KLF12: variants seen among roughly 807,000 people sequenced by gnomAD.
KLF12 encodes Krueppel-like factor 12.
KLF12 carries 9 observed loss-of-function variants against 37.8 expected under a neutral mutation model. That is an observed-to-expected ratio of 0.24 (90% CI 0.14 to 0.42). KLF12 has a LOEUF of 0.42. Ranked by LOEUF, KLF12 falls within the 10% of genes least tolerant of loss-of-function variation. KLF12 has a pLI of 1.00. For missense variants in KLF12, 411 were observed against 516.0 expected (o/e 0.80, Z 1.97); for synonymous variants, 208 against 202.1 (o/e 1.03, Z -0.25).
intron 1 of KLF12, among the ~76,000 whole-genome samples, chr13:74,131,818 T>C (rs1359835228): frequency 6.6e-6 from 1 of 152,186 alleles, no homozygotes; most frequent in Non-Finnish European, 1.5e-5. Context: ...CATTTCATAA[T>C]AGTTATTAAA....
intron 2 of KLF12, among the ~76,000 whole-genome samples, chr13:73,961,184 T>C (rs969456885): frequency 1.3e-5 from 2 of 152,164 alleles, no homozygotes; most frequent in South Asian, 2.1e-4. Context: ...TATAACAATA[T>C]TGGAAATGTT....
At chr13:73,803,174 T>G (rs1882372292) in intron 5 of KLF12, among the ~76,000 whole-genome samples, 1 of 152,220 alleles carries the variant, frequency 6.6e-6, no homozygotes, top group Non-Finnish European at 1.5e-5. Flanking sequence ...AGAGATTCAG[T>G]TCTGACTTCT....
chr13:74,290,371 C>T, the KLF12 span, among the ~76,000 whole-genome samples: 3 of 152,188 alleles, frequency 2.0e-5, no homozygotes, highest in Admixed American at 6.5e-5. Flanking sequence ...AACACTGCCA[C>T]AGCTGAATTT....
chr13:73,850,473 A>G (rs1406011546), intron 3 of KLF12, among the ~76,000 whole-genome samples: 1 of 152,226 alleles, frequency 6.6e-6, no homozygotes, highest in Admixed American at 6.5e-5. Flanking sequence ...GAATTTTATT[A>G]CAGTCTGTCT....
the KLF12 span, among the ~76,000 whole-genome samples, chr13:74,203,498 T>C: frequency 6.6e-6 from 1 of 152,230 alleles, no homozygotes; most frequent in South Asian, 2.1e-4. Context: ...CTATGATTCT[T>C]AATGGAATCT....
chr13:74,216,872 C>T, the KLF12 span, among the ~76,000 whole-genome samples: 3 of 152,308 alleles, frequency 2.0e-5, no homozygotes, highest in East Asian at 5.8e-4. Context: ...TTCAGCACTT[C>T]TACCTCTGAA....
In KLF12 at chr13:73,758,838, C is replaced by T. The variant is rs191539694; in HGVS notation, c.869+6100G>A. On this transcript the variant is annotated intron_variant, in intron 6 of 7. Coordinates refer to ENST00000377669, the MANE Select transcript of KLF12 (RefSeq NM_007249.5). ...GATACCAGCAGGAATATAGAAACTA[C>T]TTTTATCATGAATCTCTCTTGCTGA... Among the ~76,000 whole-genome samples, 144 of 152,140 alleles carry T rather than the reference C, an allele frequency of 9.5e-4. 1 individual carries two copies. Among genetic ancestry groups the T allele is most frequent in the Non-Finnish European group, 1.1e-3 (76 of 68,004 alleles).
chr13:74,218,964 T>C, the KLF12 span, among the ~76,000 whole-genome samples: 1 of 90 alleles, frequency 0.011, no homozygotes, highest in Non-Finnish European at 0.015. Flanking sequence ...AAATAAGAGT[T>C]TTTTTTTTTT....
At chr13:73,958,544 A>AT (rs895835458) in intron 2 of KLF12, among the ~76,000 whole-genome samples, 32 of 149,320 alleles carry the variant, frequency 2.1e-4, no homozygotes, top group South Asian at 6.3e-4. Flanking sequence ...TGCCCAGCCA[A>AT]TTTTTTTTTT....
chr13:74,000,226 A>G (rs1264621206), intron 1 of KLF12, among the ~76,000 whole-genome samples: 1 of 152,164 alleles, frequency 6.6e-6, no homozygotes, highest in Admixed American at 6.5e-5. Context: ...AACTAGGAAA[A>G]GCTATGTCCG....
intron 5 of KLF12, among the ~76,000 whole-genome samples, chr13:73,771,866 T>A (rs1408280816): frequency 6.6e-6 from 1 of 152,198 alleles, no homozygotes; most frequent in East Asian, 1.9e-4. Flanking sequence ...AAAGAATAGG[T>A]ACAATTTTCA....
Position 73,795,497 on chromosome 13 carries a change from A to G in KLF12, c.806+17655T>C, listed in dbSNP as rs535608642. On this transcript the variant is annotated intron_variant, in intron 5 of 7. Coordinates refer to ENST00000377669, the MANE Select transcript of KLF12 (RefSeq NM_007249.5). ...AGTATGAGAATTTCCTTCTGGTGTCAGTGATGCCATTTTATAGAACAATGC... is the reference window on the plus strand; with the variant it reads ...AGTATGAGAATTTCCTTCTGGTGTCGGTGATGCCATTTTATAGAACAATGC... 2.0e-4 allele frequency among the ~76,000 whole-genome samples: 30 copies of G among 152,348 alleles called. 1 individual carries two copies. The highest frequency in any genetic ancestry group is 7.2e-4 in the African/African-American group (30 of 41,592).
At chr13:74,294,964 T>C in the KLF12 span, among the ~76,000 whole-genome samples, 7 of 152,230 alleles carry the variant, frequency 4.6e-5, no homozygotes, top group Non-Finnish European at 1.0e-4. Flanking sequence ...AGGCCCCTGC[T>C]GGCTCCCCTT....
At chr13:73,760,574 C>G (rs953704703) in intron 6 of KLF12, among the ~76,000 whole-genome samples, 6 of 152,170 alleles carry the variant, frequency 3.9e-5, no homozygotes, top group African/African-American at 1.4e-4. Context: ...TCTTCAGCTT[C>G]AGCCTCCCAA....
chr13:74,065,717 G>A (rs1044812403), intron 1 of KLF12, among the ~76,000 whole-genome samples: 10 of 152,056 alleles, frequency 6.6e-5, no homozygotes, highest in African/African-American at 1.4e-4. Context: ...AGTGACGTGA[G>A]GGAAGTGCAT....
intron 6 of KLF12, among the ~76,000 whole-genome samples, chr13:73,717,148 G>A (rs960569206): frequency 3.3e-5 from 5 of 152,294 alleles, no homozygotes; most frequent in South Asian, 2.1e-4. Context: ...AATGAATGTC[G>A]TTATGTTCCA....
At chr13:74,216,490 T>C in the KLF12 span, among the ~76,000 whole-genome samples, 3 of 152,174 alleles carry the variant, frequency 2.0e-5, no homozygotes, top group African/African-American at 7.2e-5. Flanking sequence ...GGCAGCATGG[T>C]AGCCCTGAGT....
At chr13:73,875,131 T>TA (rs201415116) in intron 3 of KLF12, among the ~76,000 whole-genome samples, 22 of 132,054 alleles carry the variant, frequency 1.7e-4, no homozygotes, top group South Asian at 7.4e-4. Flanking sequence ...CAATCAATAC[T>TA]AAAAAAAAAA....
In KLF12 at chr13:73,900,970, A is replaced by G. The variant is rs554373454; in HGVS notation, c.123+43011T>C. 5.9e-5 allele frequency among the ~76,000 whole-genome samples: 9 copies of G among 152,334 alleles called. No individual in the cohort carries two copies. In the East Asian group the frequency reaches 1.5e-3, roughly 26 times the overall value. On this transcript the variant is annotated intron_variant, in intron 3 of 7. Transcript: ENST00000377669. ...TGAATCATAGACTGTTAGCCTTTGG[A>G]AACCACTTCCAGGGTAACTTAATTT...
Sources: gnomAD v4.1 joint callset for allele counts (sites outside exome capture counted in the v4.1 genomes callset) on GRCh38, gnomAD v4.1.1 for gene constraint, MANE v1.5 for transcripts, NCBI Gene and HGNC (gene_info 2026-07-23, HGNC 2026-07-21) for gene names.